The following INPP4B variants were observed in gnomAD, a reference collection of about 807,000 sequenced individuals.
INPP4B encodes the protein inositol polyphosphate-4-phosphatase type II B.
INPP4B carries 55 observed loss-of-function variants against 122.5 expected under a neutral mutation model. That is an observed-to-expected ratio of 0.45 (90% confidence interval 0.36 to 0.56). INPP4B has a LOEUF of 0.56. Among genes scored for constraint, INPP4B ranks in the 20% least tolerant of loss-of-function variants. The pLI is 0.00. For synonymous variants in INPP4B, 403 were observed against 388.7 expected (o/e 1.04, Z -0.43); for missense variants, 1,000 against 1,097.7 (o/e 0.91, Z 1.26).
intron 2 of INPP4B, among the ~76,000 whole-genome samples, chr4:142,560,967 T>C (rs57201046): frequency 0.31 from 47,414 of 152,132 alleles, 8,567 homozygotes; most frequent in East Asian, 0.79. Context: ...AAATCTTGAC[T>C]GTCATTTTGG....
At chr4:142,592,062 A>G (rs1580448506) in intron 2 of INPP4B, among the ~76,000 whole-genome samples, 1 of 152,334 alleles carries the variant, frequency 6.6e-6, no homozygotes, top group East Asian at 1.9e-4. Flanking sequence ...ACACTTGCAC[A>G]AAATGTTAAT....
chr4:142,314,354 C>G (rs1053267196), intron 8 of INPP4B, among the ~76,000 whole-genome samples: 7 of 152,092 alleles, frequency 4.6e-5, no homozygotes, highest in African/African-American at 1.7e-4. Context: ...AATCCTAGGG[C>G]TGGTTCTCTT....
Position 142,521,969 on chromosome 4 carries a change from T to C in INPP4B, c.-190-59243A>G, listed in dbSNP as rs144163887. The stretch of plus-strand genomic sequence containing the variant: ...TAAAAGCACAGAGTGGTGAATTAAC[T>C]AAAACATTCTTCATCCTAATATCTG... On this transcript the variant is annotated intron_variant, in intron 2 of 25. Transcript: ENST00000262992. Among the ~76,000 whole-genome samples the C allele has an allele frequency of 1.1e-4, 16 of 152,220 alleles. No homozygotes were observed. The East Asian group carries it at 3.1e-3, about 29-fold the overall frequency.
chr4:142,428,313 C>A (rs1404010069), intron 5 of INPP4B, among the ~76,000 whole-genome samples: 1 of 150,792 alleles, frequency 6.6e-6, no homozygotes, highest in East Asian at 1.9e-4. Flanking sequence ...GATTTTGATA[C>A]TATAATACTA....
At chr4:142,674,459 T>C (rs1757435536) in intron 2 of INPP4B, among the ~76,000 whole-genome samples, 1 of 151,954 alleles carries the variant, frequency 6.6e-6, no homozygotes. Flanking sequence ...GTAGTAACAT[T>C]AAAAATATAT....
At chr4:142,144,222 TACACAC>T (rs35496129) in intron 18 of INPP4B, among the ~76,000 whole-genome samples, 72,093 of 144,770 alleles carry the variant, frequency 0.5, 19,192 homozygotes, top group East Asian at 0.63. Flanking sequence ...AAATACAAGA[TACACAC>T]ACACACACAC....
At position 142,025,565 on chromosome 4, in the gene INPP4B, T is replaced by G. The variant is rs576968374; in HGVS notation, c.*3217A>C. On this transcript the variant is annotated 3_prime_UTR_variant, in exon 26 of 26. Coordinates refer to ENST00000262992, the MANE Select transcript of INPP4B (RefSeq NM_001101669.3). ...TCTTGGTACACTATCAACTTTTACA[T>G]AGGGAGAGGTTTGATTTGCTTGGGA... is the stretch of plus-strand genomic sequence containing the variant. 6.6e-6 allele frequency: 1 copy of G among 152,166 alleles called. No homozygotes were observed. Among genetic ancestry groups the G allele is most frequent in the Non-Finnish European group, 1.5e-5 (1 of 68,034 alleles). The allele number at this position is 152,166 out of a possible 1,614,324, so 9.4% of individuals were successfully genotyped here.
At chr4:142,843,095 GA>G (rs1370219104) in intron 1 of INPP4B, among the ~76,000 whole-genome samples, 1 of 150,262 alleles carries the variant, frequency 6.7e-6, no homozygotes, top group Non-Finnish European at 1.5e-5. Flanking sequence ...GAGACTGAAA[GA>G]GTAATTAAAA....
chr4:142,581,735 C>G (rs903629244), intron 2 of INPP4B, among the ~76,000 whole-genome samples: 1 of 151,802 alleles, frequency 6.6e-6, no homozygotes, highest in African/African-American at 2.4e-5. Context: ...AAACAGAGCA[C>G]CACAACTATT....
chr4:142,729,875 G>A (rs1561005813), intron 1 of INPP4B, among the ~76,000 whole-genome samples: 1 of 152,128 alleles, frequency 6.6e-6, no homozygotes, highest in Non-Finnish European at 1.5e-5. Flanking sequence ...CTGAAAAATA[G>A]ATGAATCCCC....
intron 25 of INPP4B, chr4:142,029,367 CTATTT>C (rs1273087963): frequency 4.1e-6 from 4 of 984,848 alleles, no homozygotes; most frequent in Admixed American, 6.1e-5. Context: ...AATTTCATCT[CTATTT>C]TATTATTTTA....
At chr4:142,619,857 T>G (rs1204768851) in intron 2 of INPP4B, among the ~76,000 whole-genome samples, 1 of 152,024 alleles carries the variant, frequency 6.6e-6, no homozygotes, top group Non-Finnish European at 1.5e-5. Context: ...GGAAGAGAGA[T>G]ACGTTTATTT....
intron 1 of INPP4B, among the ~76,000 whole-genome samples, chr4:142,776,855 AG>A (rs1171507269): frequency 2.6e-5 from 4 of 152,202 alleles, no homozygotes; most frequent in Non-Finnish European, 4.4e-5. Context: ...ATTAAGCTCT[AG>A]GAAAGCTCTA....
chr4:142,271,544 T>C (rs1054161277), intron 9 of INPP4B, among the ~76,000 whole-genome samples: 1 of 152,236 alleles, frequency 6.6e-6, no homozygotes, highest in Non-Finnish European at 1.5e-5. Flanking sequence ...CTACAAAATC[T>C]GACTTTGTGC....
At chr4:142,254,570 G>C (rs1202460084) in intron 11 of INPP4B, among the ~76,000 whole-genome samples, 1 of 152,216 alleles carries the variant, frequency 6.6e-6, no homozygotes, top group African/African-American at 2.4e-5. Flanking sequence ...GAAGCCTCAT[G>C]AGCCGAGGAG....
At chr4:142,774,553 T>C (rs1310142064) in intron 1 of INPP4B, among the ~76,000 whole-genome samples, 1 of 152,126 alleles carries the variant, frequency 6.6e-6, no homozygotes, top group East Asian at 1.9e-4. Context: ...TTGAAGGCAG[T>C]AATTATAAGT....
intron 25 of INPP4B, among the ~76,000 whole-genome samples, chr4:142,077,132 A>G (rs1032185146): frequency 5.3e-5 from 8 of 152,036 alleles, no homozygotes; most frequent in South Asian, 2.1e-4. Flanking sequence ...ATGAAACTCA[A>G]TAAGGCCAAT....
At chr4:142,069,017 T>A (rs1300084114) in intron 25 of INPP4B, among the ~76,000 whole-genome samples, 9 of 151,736 alleles carry the variant, frequency 5.9e-5, no homozygotes, top group South Asian at 2.1e-4. Flanking sequence ...ACCCCAAATC[T>A]ACAGAATATA....
chr4:142,287,818 T>C (rs758684549), intron 9 of INPP4B, among the ~76,000 whole-genome samples: 20 of 152,166 alleles, frequency 1.3e-4, no homozygotes, highest in Non-Finnish European at 1.9e-4. Context: ...TGGACTACCA[T>C]AACAAAATAG....
Sources: allele counts gnomAD v4.1 joint callset (sites outside exome capture counted in the v4.1 genomes callset), GRCh38; gene constraint gnomAD v4.1.1; transcripts MANE v1.5; gene names NCBI Gene and HGNC (gene_info 2026-07-23, HGNC 2026-07-21).